LAMC2: variants seen among roughly 807,000 people sequenced by gnomAD.
LAMC2 encodes the protein laminin subunit gamma 2.
Under a neutral mutation model 140.2 loss-of-function variants are expected in LAMC2, and 97 were observed. That is an observed-to-expected ratio of 0.69 (90% CI 0.59 to 0.82). The LOEUF is 0.82. Ranked by LOEUF, LAMC2 falls within the 40% of genes least tolerant of loss-of-function variation. LAMC2 has a pLI of 0.00. For missense variants in LAMC2, 1,402 were observed against 1,476.1 expected (o/e 0.95, Z 0.82); for synonymous variants, 513 against 540.2 (o/e 0.95, Z 0.70).
At chr1:183,225,789 GT>G in intron 8 of LAMC2, 69 bp downstream of exon 8, 4 of 1,035,668 alleles carry the variant, frequency 3.9e-6, no homozygotes, top group Non-Finnish European at 6.1e-6. Context: ...GCTCTCTAAG[GT>G]GGCGGCAGTC....
chr1:183,213,925 C>A lies in LAMC2; in HGVS notation c.269-1528C>A, dbSNP rs187887013. On this transcript the variant is annotated intron_variant, in intron 2 of 22. Transcript: ENST00000264144. ...TACTAAAAATACAAAACTAGCTGGG[C>A]GTGGTGGCGCATGCCTGTAATCCCA... 1.0e-3 allele frequency among the ~76,000 whole-genome samples: 150 copies of A among 149,198 alleles called. 1 individual carries two copies. Among genetic ancestry groups the A allele is most frequent in the African/African-American group, 3.3e-3 (134 of 40,362 alleles).
chr1:183,191,633 G>A (rs1209864437), intron 1 of LAMC2, among the ~76,000 whole-genome samples: 4 of 152,030 alleles, frequency 2.6e-5, no homozygotes, highest in African/African-American at 7.2e-5. Context: ...CGAGGCGGGC[G>A]GATTACCTGA....
At chr1:183,197,478 C>G (rs1658554703) in intron 1 of LAMC2, among the ~76,000 whole-genome samples, 1 of 152,060 alleles carries the variant, frequency 6.6e-6, no homozygotes, top group South Asian at 2.1e-4. Flanking sequence ...AGTTCGAGAC[C>G]AACCTGGCAA....
In LAMC2 at chr1:183,243,435, G is replaced by A. The variant is rs1660181466; in HGVS notation, c.*35G>A. 4 of 1,613,888 alleles carry A rather than the reference G, an allele frequency of 2.5e-6. No homozygotes were observed. Among genetic ancestry groups the A allele is most frequent in the Non-Finnish European group, 3.4e-6 (4 of 1,179,916 alleles). On this transcript the variant is annotated 3_prime_UTR_variant, in exon 23 of 23. Coordinates refer to ENST00000264144, the MANE Select transcript of LAMC2 (RefSeq NM_005562.3). ...AAATATTTCTCAACTGAGGTTCTTGGGATACAGATCTCAGGGCTCGGGAGC... is the reference window on the plus strand; with the variant it reads ...AAATATTTCTCAACTGAGGTTCTTGAGATACAGATCTCAGGGCTCGGGAGC...
At chr1:183,232,035 G>A in intron 12 of LAMC2, 152 bp from the exon 13 acceptor site, 1 of 850,556 alleles carries the variant, frequency 1.2e-6, no homozygotes, top group Admixed American at 2.0e-5. Context: ...CAAACTCAAG[G>A]ACTCTCTAGG....
the LAMC2 span, chr1:183,252,472 G>A: frequency 1.6e-6 from 1 of 606,730 alleles, no homozygotes; most frequent in Non-Finnish European, 3.0e-6. Flanking sequence ...AGATGACTGT[G>A]GAATAGGGAA....
chr1:183,218,206 G>C (rs532269159), intron 3 of LAMC2, among the ~76,000 whole-genome samples, 184 bp from the exon 4 acceptor site: 8 of 152,338 alleles, frequency 5.3e-5, no homozygotes, highest in African/African-American at 1.9e-4. Context: ...GAGCAGCACT[G>C]TGTAGGCAAG....
intron 1 of LAMC2, among the ~76,000 whole-genome samples, chr1:183,202,118 T>A (rs1658724839): frequency 1.3e-5 from 2 of 151,694 alleles, no homozygotes; most frequent in South Asian, 2.1e-4. Context: ...CGCTTGAACC[T>A]GGGAGGTGGA....
chr1:183,212,262 G>A (rs1422751158), intron 2 of LAMC2, among the ~76,000 whole-genome samples: 1 of 152,044 alleles, frequency 6.6e-6, no homozygotes, highest in Non-Finnish European at 1.5e-5. Flanking sequence ...TCATCATGAG[G>A]GACTTCTATT....
intron 18 of LAMC2, among the ~76,000 whole-genome samples, chr1:183,237,766 G>C (rs1020515352): frequency 1.3e-5 from 2 of 152,146 alleles, no homozygotes; most frequent in Non-Finnish European, 2.9e-5. Context: ...CGTGCCTATA[G>C]TCCTAGCTAC....
chr1:183,200,983 A>C (rs1658688956), intron 1 of LAMC2, among the ~76,000 whole-genome samples: 1 of 152,220 alleles, frequency 6.6e-6, no homozygotes, highest in Non-Finnish European at 1.5e-5. Context: ...AAATCTGTGA[A>C]AATCTGACTC....
intron 3 of LAMC2, among the ~76,000 whole-genome samples, chr1:183,217,540 A>G (rs1338976960): frequency 6.6e-6 from 1 of 152,254 alleles, no homozygotes; most frequent in Admixed American, 6.5e-5. Context: ...CAAAAAGAAT[A>G]TATGTATTCT....
At chr1:183,222,599 A>G (rs1295423620) in intron 6 of LAMC2, among the ~76,000 whole-genome samples, 1 of 150,396 alleles carries the variant, frequency 6.6e-6, no homozygotes, top group Non-Finnish European at 1.5e-5. Flanking sequence ...AAAAAAAAAA[A>G]TCAATCAGTG....
intron 7 of LAMC2, among the ~76,000 whole-genome samples, chr1:183,224,572 G>C (rs78141613): frequency 1.3e-5 from 2 of 152,054 alleles, no homozygotes; most frequent in Non-Finnish European, 2.9e-5. Context: ...AGAGTGGTTA[G>C]GTGCCTAACC....
At chr1:183,245,902 G>A (rs1481102437), downstream of LAMC2, among the ~76,000 whole-genome samples, 1 of 152,224 alleles carries the variant, frequency 6.6e-6, no homozygotes, top group Non-Finnish European at 1.5e-5. Flanking sequence ...GGGCGCGGTG[G>A]CTCATGCCGG....
At chr1:183,232,507 A>G in intron 13 of LAMC2, 145 bp from the exon 14 acceptor site, 1 of 1,076,672 alleles carries the variant, frequency 9.3e-7, no homozygotes, top group Non-Finnish European at 1.4e-6. Flanking sequence ...CTGGGATCTG[A>G]ATGATGGTGA....
intron 17 of LAMC2, 108 bp from the exon 18 acceptor site, chr1:183,237,244 G>A (rs1024098037): frequency 1.6e-6 from 2 of 1,276,462 alleles, no homozygotes; most frequent in Non-Finnish European, 2.3e-6. Flanking sequence ...TATTTTCTTG[G>A]CTTCTTAAGG....
intron 11 of LAMC2, among the ~76,000 whole-genome samples, chr1:183,230,170 C>T (rs1267549021): frequency 6.6e-6 from 1 of 152,176 alleles, no homozygotes; most frequent in Non-Finnish European, 1.5e-5. Context: ...TTTCTTCACT[C>T]AACCATCCTT....
In LAMC2 at chr1:183,218,312, A is replaced by G. The variant is rs1490397328; in HGVS notation, c.405-78A>G. 7 of 1,147,678 alleles carry G rather than the reference A, an allele frequency of 6.1e-6. No individual in the cohort carries two copies. In the African/African-American group the frequency reaches 7.6e-5, roughly 12 times the overall value. The allele number at this position is 1,147,678 out of a possible 1,614,324, so 71.1% of individuals were successfully genotyped here. A position where few individuals can be genotyped will look rare whatever the true frequency, so the allele number is the denominator to read the frequency against. On this transcript the variant is annotated intron_variant, in intron 3 of 22. Transcript: ENST00000264144. ...CTGCCCAGCTTCGTGATGTTTGCTC[A>G]TGAGCAGTTGATTTTTATGTGCATA... is the stretch of plus-strand genomic sequence containing the variant.
Sources: allele counts gnomAD v4.1 joint callset (sites outside exome capture counted in the v4.1 genomes callset), GRCh38; gene constraint gnomAD v4.1.1; transcripts MANE v1.5; gene names NCBI Gene and HGNC (gene_info 2026-07-23, HGNC 2026-07-21).